EYS: variants seen among roughly 807,000 people sequenced by gnomAD.
EYS encodes the protein EGF-like photoreceptor maintenance factor.
In EYS, 250 loss-of-function variants were observed where a neutral mutation model predicts 282.1. The ratio of observed to expected loss-of-function variants is 0.89; its 90% CI spans 0.80 to 0.98. The LOEUF (loss-of-function observed/expected upper bound fraction) is 0.98. EYS is among the 50% of genes least tolerant of loss of function. EYS has a pLI of 0.00. For missense variants in EYS, 4,016 were observed against 3,709.0 expected (o/e 1.08, Z -2.15); for synonymous variants, 1,355 against 1,282.9 (o/e 1.06, Z -1.20).
At chr6:64,883,931 A>C (rs1767003821) in intron 19 of EYS, among the ~76,000 whole-genome samples, 1 of 151,558 alleles carries the variant, frequency 6.6e-6, no homozygotes, top group Non-Finnish European at 1.5e-5. Flanking sequence ...GTAAATGTTT[A>C]TTATCTTCTT....
At chr6:63,900,365 A>G (rs895768184) in intron 35 of EYS, among the ~76,000 whole-genome samples, 1 of 152,198 alleles carries the variant, frequency 6.6e-6, no homozygotes, top group Non-Finnish European at 1.5e-5. Flanking sequence ...AAATAAGTAC[A>G]ATGGGGGAGG....
chr6:65,114,396 C>T (rs1469704321), intron 12 of EYS, among the ~76,000 whole-genome samples: 3 of 147,674 alleles, frequency 2.0e-5, no homozygotes, highest in African/African-American at 7.4e-5. Context: ...ATCTTTAGTT[C>T]CAGAAGGACT....
rs116502410 is a variant in EYS, at chr6:64,576,486, G to A, written c.5644+13737C>T. Among the ~76,000 whole-genome samples, 381 of 152,048 alleles carry A rather than the reference G, an allele frequency of 2.5e-3. 4 individuals are homozygous for A. The highest frequency in any genetic ancestry group is 8.5e-3 in the African/African-American group (353 of 41,480). ...AAATAACATCTGTCCAGGGCCAGAG[G>A]GGGAAAAATACCAAACGAACATGTT... On this transcript the variant is annotated intron_variant, in intron 26 of 42. Transcript: ENST00000503581.
chr6:64,680,773 A>T (rs1425379457), intron 22 of EYS, among the ~76,000 whole-genome samples: 1 of 152,144 alleles, frequency 6.6e-6, no homozygotes, highest in African/African-American at 2.4e-5. Flanking sequence ...CATGCAGAGA[A>T]GTTCAGAGGC....
chr6:64,644,697 A>C (rs1768288901), intron 22 of EYS, among the ~76,000 whole-genome samples: 1 of 152,198 alleles, frequency 6.6e-6, no homozygotes, highest in Non-Finnish European at 1.5e-5. Context: ...ATATGTTTGC[A>C]AACCAATTCC....
At chr6:63,911,890 T>C (rs1764261623) in intron 35 of EYS, among the ~76,000 whole-genome samples, 1 of 152,212 alleles carries the variant, frequency 6.6e-6, no homozygotes, top group Non-Finnish European at 1.5e-5. Flanking sequence ...ATCTATGTGT[T>C]GAGTATGTGC....
At chr6:64,350,985 T>C (rs549947412) in intron 29 of EYS, among the ~76,000 whole-genome samples, 69 of 151,540 alleles carry the variant, frequency 4.6e-4, no homozygotes, top group South Asian at 1.0e-3. Flanking sequence ...TGTAGAAGGA[T>C]GTGTTTGCTT....
chr6:65,651,849 C>G (rs1767660254), intron 1 of EYS, among the ~76,000 whole-genome samples: 1 of 151,942 alleles, frequency 6.6e-6, no homozygotes, highest in Admixed American at 6.6e-5. Context: ...TATTAGCAGT[C>G]ATACTGAAAA....
At chr6:65,172,561 G>T (rs769904358) in intron 12 of EYS, among the ~76,000 whole-genome samples, 1 of 151,208 alleles carries the variant, frequency 6.6e-6, no homozygotes, top group Non-Finnish European at 1.5e-5. Context: ...TGTAAAACAT[G>T]TACCAAATTT....
intron 13 of EYS, among the ~76,000 whole-genome samples, chr6:65,020,481 G>A (rs187523120): frequency 2.6e-4 from 39 of 152,216 alleles, no homozygotes; most frequent in African/African-American, 8.9e-4. Flanking sequence ...CACATCCCAT[G>A]GCTTTGGGCA....
At chr6:64,603,825 G>T (rs139032283) in intron 24 of EYS, among the ~76,000 whole-genome samples, 184 of 149,594 alleles carry the variant, frequency 1.2e-3, no homozygotes, top group African/African-American at 4.3e-3. Context: ...TTATCCCTCT[G>T]CTTAGGCTGT....
At chr6:64,652,055 C>G (rs952514140) in intron 22 of EYS, among the ~76,000 whole-genome samples, 20 of 152,178 alleles carry the variant, frequency 1.3e-4, no homozygotes. Flanking sequence ...TTTGCATTTA[C>G]TTTGAGGGAG....
chr6:65,078,288 A>G (rs1774118064), intron 12 of EYS, among the ~76,000 whole-genome samples: 1 of 152,184 alleles, frequency 6.6e-6, no homozygotes, highest in Admixed American at 6.6e-5. Context: ...AATTTGAGAC[A>G]TTAAGTATGA....
chr6:65,268,621 G>A (rs556195374), intron 12 of EYS, among the ~76,000 whole-genome samples: 2 of 152,148 alleles, frequency 1.3e-5, no homozygotes, highest in Non-Finnish European at 2.9e-5. Flanking sequence ...CAGTTACTGA[G>A]CTTGGAAAGA....
chr6:63,916,491 T>C (rs183093499), intron 35 of EYS, among the ~76,000 whole-genome samples: 3 of 152,378 alleles, frequency 2.0e-5, no homozygotes, highest in African/African-American at 7.2e-5. Context: ...TATTTTCTTG[T>C]GCTTTTTGGC....
At chr6:64,453,774 G>C (rs6926262) in intron 26 of EYS, among the ~76,000 whole-genome samples, 2 of 151,768 alleles carry the variant, frequency 1.3e-5, no homozygotes, top group African/African-American at 4.8e-5. Flanking sequence ...ACCAAACACC[G>C]CATGTTCTCA....
At chr6:64,849,107 A>G (rs529825169) in intron 19 of EYS, among the ~76,000 whole-genome samples, 1 of 152,050 alleles carries the variant, frequency 6.6e-6, no homozygotes, top group South Asian at 2.1e-4. Context: ...CAATATATAT[A>G]CAATTTGAAT....
intron 2 of EYS, among the ~76,000 whole-genome samples, chr6:65,525,508 G>A (rs1357273071): frequency 2.0e-5 from 3 of 151,900 alleles, no homozygotes; most frequent in Non-Finnish European, 2.9e-5. Flanking sequence ...GATTCCCCTC[G>A]CCCACCATCA....
intron 33 of EYS, among the ~76,000 whole-genome samples, chr6:64,041,813 T>G (rs2149837735): frequency 6.6e-6 from 1 of 152,342 alleles, no homozygotes; most frequent in Non-Finnish European, 1.5e-5. Context: ...TATATCTAAC[T>G]GTAAGTTTAT....
Sources: allele counts gnomAD v4.1 joint callset (sites outside exome capture counted in the v4.1 genomes callset), GRCh38; gene constraint gnomAD v4.1.1; transcripts MANE v1.5; gene names NCBI Gene and HGNC (gene_info 2026-07-23, HGNC 2026-07-21).